Variants in DOCK1 observed in about 807,000 individuals in gnomAD.
DOCK1 encodes dedicator of cytokinesis 1, also known as dedicator of cytokinesis protein 1.
In DOCK1, 138 loss-of-function variants were observed where a neutral mutation model predicts 262.7. The ratio of observed to expected loss-of-function variants is 0.53; its 90% CI spans 0.46 to 0.61. The LOEUF (loss-of-function observed/expected upper bound fraction) is 0.61. Among genes scored for constraint, DOCK1 ranks in the 20% least tolerant of loss-of-function variants. The probability of loss-of-function intolerance (pLI) is 0.00; values close to 1 mark genes in which losing one functional copy is unlikely to be tolerated. For synonymous variants in DOCK1, 866 were observed against 867.4 expected (o/e 1.00, Z 0.03); for missense variants, 1,908 against 2,370.7 (o/e 0.80, Z 4.05).
intron 12 of DOCK1, among the ~76,000 whole-genome samples, chr10:127,015,521 C>T (rs2041805198): frequency 6.6e-6 from 1 of 152,232 alleles, no homozygotes; most frequent in Non-Finnish European, 1.5e-5. Context: ...ACTCTGGGTG[C>T]TTGCCCTTCA....
intron 35 of DOCK1, among the ~76,000 whole-genome samples, chr10:127,377,367 A>G (rs1027069651): frequency 1.3e-5 from 2 of 152,216 alleles, no homozygotes. Flanking sequence ...CTAAATGAAT[A>G]TAGATGTATA....
chr10:127,187,441 C>A (rs2056375304), intron 27 of DOCK1, among the ~76,000 whole-genome samples: 1 of 152,156 alleles, frequency 6.6e-6, no homozygotes, highest in African/African-American at 2.4e-5. Flanking sequence ...TCCAAAACCT[C>A]ACATGACCCC....
At chr10:127,339,651 GCGCGCGCA>G (rs2063341889) in intron 30 of DOCK1, among the ~76,000 whole-genome samples, 1 of 145,472 alleles carries the variant, frequency 6.9e-6, no homozygotes, top group African/African-American at 2.6e-5. Flanking sequence ...GTGTGTGTGC[GCGCGCGCA>G]TGCATGCTGT....
At chr10:127,164,071 G>A (rs757444303) in intron 27 of DOCK1, among the ~76,000 whole-genome samples, 1 of 150,830 alleles carries the variant, frequency 6.6e-6, no homozygotes, top group African/African-American at 2.4e-5. Flanking sequence ...ATTCCAACCT[G>A]GGTGGCGTCC....
At chr10:126,947,627 A>G (rs1204962519) in intron 1 of DOCK1, among the ~76,000 whole-genome samples, 3 of 97,134 alleles carry the variant, frequency 3.1e-5, no homozygotes, top group Admixed American at 1.0e-4. Context: ...GGTGGTTGGT[A>G]GTATTACTGT....
At chr10:127,120,220 G>A (rs561783213) in intron 25 of DOCK1, among the ~76,000 whole-genome samples, 31 of 152,288 alleles carry the variant, frequency 2.0e-4, no homozygotes, top group Admixed American at 4.6e-4. Flanking sequence ...AGTCACGTAC[G>A]TGTGACAGGG....
chr10:127,399,203 T>G (rs2134281763), intron 38 of DOCK1, among the ~76,000 whole-genome samples: 1 of 152,322 alleles, frequency 6.6e-6, no homozygotes, highest in Non-Finnish European at 1.5e-5. Context: ...TTTCTGCTGA[T>G]ATGGGGCTTT....
intron 27 of DOCK1, among the ~76,000 whole-genome samples, chr10:127,245,340 C>T (rs1166805162): frequency 6.6e-6 from 1 of 152,254 alleles, no homozygotes; most frequent in East Asian, 1.9e-4. Flanking sequence ...ACTTCTGGAA[C>T]ATTTCCTTAA....
In DOCK1 at chr10:126,963,623, CCCTTCCCTTCCCTT is replaced by C. The variant is rs2037416792; in HGVS notation, c.47-7076_47-7063del. Among the ~76,000 whole-genome samples, 38 of 71,676 alleles carry C rather than the reference CCCTTCCCTTCCCTT, an allele frequency of 5.3e-4. 2 individuals carry two copies. Among genetic ancestry groups the C allele is most frequent in the African/African-American group, 2.6e-3 (33 of 12,610 alleles). 47.0% of individuals were successfully genotyped at this position (71,676 alleles called of 152,430 possible). A position where few individuals can be genotyped will look rare whatever the true frequency, so the allele number is the denominator to read the frequency against. On this transcript the variant is annotated intron_variant, in intron 1 of 51. Coordinates refer to ENST00000623213, the MANE Select transcript of DOCK1 (RefSeq NM_001290223.2). ...CCCTTCCCTTCCCTTCCCTTCCCTT[CCCTTCCCTTCCCTT>C]CCCTCCTTCCTTCCTTCCTTCCTTC...
intron 29 of DOCK1, among the ~76,000 whole-genome samples, chr10:127,268,523 G>GA (rs2060452801): frequency 6.2e-5 from 3 of 48,748 alleles, no homozygotes; most frequent in East Asian, 5.2e-4. Context: ...AAAAAAAAAA[G>GA]AAGAGGAAAG....
At chr10:127,269,434 G>A (rs1387597926) in intron 29 of DOCK1, among the ~76,000 whole-genome samples, 1 of 152,194 alleles carries the variant, frequency 6.6e-6, no homozygotes, top group Non-Finnish European at 1.5e-5. Flanking sequence ...TGCTTTCATA[G>A]ATTCACTCTC....
intron 44 of DOCK1, 80 bp from the exon 45 acceptor site, chr10:127,418,285 G>C: frequency 6.9e-7 from 1 of 1,441,952 alleles, no homozygotes; most frequent in South Asian, 1.5e-5. Context: ...GCCTGCCCCA[G>C]AGCACGTGGC....
intron 1 of DOCK1, among the ~76,000 whole-genome samples, chr10:126,967,880 C>G (rs1464414398): frequency 2.0e-5 from 3 of 152,150 alleles, no homozygotes; most frequent in Admixed American, 6.5e-5. Flanking sequence ...GTGGTGCGAT[C>G]ACGGCTCATT....
At chr10:127,153,408 A>G (rs896593848) in intron 27 of DOCK1, among the ~76,000 whole-genome samples, 5 of 152,152 alleles carry the variant, frequency 3.3e-5, no homozygotes, top group Admixed American at 3.3e-4. Context: ...AGGCAGCACA[A>G]TCCTCGAGAG....
intron 27 of DOCK1, among the ~76,000 whole-genome samples, chr10:127,159,722 G>A (rs2053418448): frequency 6.6e-6 from 1 of 152,126 alleles, no homozygotes; most frequent in South Asian, 2.1e-4. Context: ...ATCACGGGTA[G>A]ACATTTGAAA....
chr10:126,931,018 C>A (rs1263201554), intron 1 of DOCK1, among the ~76,000 whole-genome samples: 4 of 152,082 alleles, frequency 2.6e-5, no homozygotes, highest in Admixed American at 6.5e-5. Flanking sequence ...AGATTCCCTG[C>A]GTCGAGGATG....
At chr10:126,971,199 C>T (rs533759034) in intron 2 of DOCK1, among the ~76,000 whole-genome samples, 3 of 151,072 alleles carry the variant, frequency 2.0e-5, no homozygotes, top group East Asian at 2.0e-4. Context: ...TACAGGTGCC[C>T]GCCACCATGC....
chr10:126,925,506 G>A (rs1591334619), intron 1 of DOCK1, among the ~76,000 whole-genome samples: 1 of 152,094 alleles, frequency 6.6e-6, no homozygotes, highest in African/African-American at 2.4e-5. Context: ...GCCTCAGCCT[G>A]CCAAGTAGCT....
intron 21 of DOCK1, among the ~76,000 whole-genome samples, chr10:127,045,808 T>A (rs2044309536): frequency 6.6e-6 from 1 of 152,192 alleles, no homozygotes; most frequent in Non-Finnish European, 1.5e-5. Context: ...GGGCTCCTTT[T>A]TGTCCACCCT....
Sources: gnomAD v4.1 joint callset for allele counts (sites outside exome capture counted in the v4.1 genomes callset) on GRCh38, gnomAD v4.1.1 for gene constraint, MANE v1.5 for transcripts, NCBI Gene and HGNC (gene_info 2026-07-23, HGNC 2026-07-21) for gene names.